Variants in LRRC37A2 observed in about 807,000 individuals in gnomAD.
LRRC37A2 encodes leucine rich repeat containing 37 member A2.
LRRC37A2 carries 9 observed loss-of-function variants against 68.8 expected under a neutral mutation model. The ratio of observed to expected loss-of-function variants is 0.13; its 90% CI spans 0.08 to 0.23. The LOEUF (loss-of-function observed/expected upper bound fraction) is 0.23. LRRC37A2 is among the 10% of genes least tolerant of loss of function. The pLI, the probability that LRRC37A2 is intolerant of heterozygous loss-of-function variation, is 1.00. For missense variants in LRRC37A2, 168 were observed against 950.4 expected (o/e 0.18, Z 10.82); for synonymous variants, 63 against 367.6 (o/e 0.17, Z 9.48).
At chr17:46,719,498 A>C in the LRRC37A2 span, among the ~76,000 whole-genome samples, 1 of 152,176 alleles carries the variant, frequency 6.6e-6, no homozygotes, top group Non-Finnish European at 1.5e-5. This position sits in a 1 kb window ranked among gnomAD's most constrained non-coding sequence, Gnocchi z 4.3. Context: ...CTTATTAGTG[A>C]ATCCTTTCTC....
chr17:46,540,598 TA>T (rs537940033), intron 7 of LRRC37A2, among the ~76,000 whole-genome samples: 9,402 of 118,384 alleles, frequency 0.079, 3 homozygotes, highest in Middle Eastern at 0.14. Context: ...AAGATAATGG[TA>T]AAAAAAAAAA....
At chr17:46,392,474 C>T in the LRRC37A2 span, among the ~76,000 whole-genome samples, 34 of 40,808 alleles carry the variant, frequency 8.3e-4, no homozygotes, top group African/African-American at 4.5e-3. Context: ...TCTTTCTTTC[C>T]TTTCTTTCTT....
At chr17:46,890,657 C>T in the LRRC37A2 span, among the ~76,000 whole-genome samples, 4 of 152,236 alleles carry the variant, frequency 2.6e-5, no homozygotes, top group Admixed American at 1.3e-4. Context: ...CAGCCACAGG[C>T]ATGGCCTGTC....
chr17:46,806,559 G>A, the LRRC37A2 span, among the ~76,000 whole-genome samples: 4 of 152,296 alleles, frequency 2.6e-5, no homozygotes, highest in Middle Eastern at 3.4e-3. Context: ...CTGCTTTCTC[G>A]AGGCTGCTTT....
chr17:46,781,242 A>G, the LRRC37A2 span, among the ~76,000 whole-genome samples: 1 of 152,108 alleles, frequency 6.6e-6, no homozygotes, highest in African/African-American at 2.4e-5. Context: ...CAAAAAAAAA[A>G]AAAGGAATGA....
At chr17:47,023,137 C>G in the LRRC37A2 span, among the ~76,000 whole-genome samples, 1 of 152,200 alleles carries the variant, frequency 6.6e-6, no homozygotes, top group Non-Finnish European at 1.5e-5. Context: ...TTTCTGATTA[C>G]TCATGAATTT....
chr17:46,726,889 A>G, the LRRC37A2 span, among the ~76,000 whole-genome samples: 7 of 152,306 alleles, frequency 4.6e-5, no homozygotes, highest in South Asian at 2.1e-4. Context: ...TTGCCATAGT[A>G]AATGATTAGT....
the LRRC37A2 span, among the ~76,000 whole-genome samples, chr17:46,875,873 T>C: frequency 1.2e-4 from 18 of 152,292 alleles, no homozygotes; most frequent in Admixed American, 9.8e-4. Context: ...GGGAGGAGGC[T>C]GGGAGACACC....
chr17:46,782,332 T>A, the LRRC37A2 span, among the ~76,000 whole-genome samples: 1 of 152,050 alleles, frequency 6.6e-6, no homozygotes, highest in Non-Finnish European at 1.5e-5. Flanking sequence ...AGAAATCACC[T>A]CTCCTGTGGT....
chr17:46,851,145 G>C, the LRRC37A2 span, among the ~76,000 whole-genome samples: 1 of 152,102 alleles, frequency 6.6e-6, no homozygotes, highest in Non-Finnish European at 1.5e-5. The surrounding 1 kb of genome is among the most constrained non-coding windows in gnomAD (Gnocchi z 4.3). Context: ...TGCCCGGCAG[G>C]AGGGCGGACA....
chr17:46,723,307 G>A, the LRRC37A2 span, among the ~76,000 whole-genome samples: 1 of 152,138 alleles, frequency 6.6e-6, no homozygotes, highest in African/African-American at 2.4e-5. Flanking sequence ...GCTTTTAGTA[G>A]AATTCTGAAA....
At chr17:46,771,729 C>G in the LRRC37A2 span, among the ~76,000 whole-genome samples, 1 of 138,404 alleles carries the variant, frequency 7.2e-6, no homozygotes, top group Non-Finnish European at 1.6e-5. Flanking sequence ...CGCCGGGCCG[C>G]GAAATCCCCA....
At chr17:46,859,246 C>G in the LRRC37A2 span, among the ~76,000 whole-genome samples, 3,743 of 152,198 alleles carry the variant, frequency 0.025, 156 homozygotes, top group African/African-American at 0.086. Flanking sequence ...AAAGTGCTGG[C>G]ATTACAGGCG....
chr17:46,935,235 C>T, the LRRC37A2 span: 4 of 1,611,574 alleles, frequency 2.5e-6, no homozygotes, highest in Non-Finnish European at 2.5e-6. Context: ...AGTTTAGTAA[C>T]TGTGTTTATA....
the LRRC37A2 span, chr17:47,049,074 G>A: frequency 1.5e-6 from 1 of 675,416 alleles, no homozygotes; most frequent in Non-Finnish European, 2.6e-6. Context: ...TTGGGTGTGT[G>A]TGTCTCCTCT....
intron 6 of LRRC37A2, among the ~76,000 whole-genome samples, chr17:46,531,299 TTG>T (rs2053612704): frequency 1.3e-5 from 1 of 74,174 alleles, no homozygotes; most frequent in Admixed American, 1.7e-4. Context: ...AACACTGTCG[TTG>T]TCTGTCTCTT....
chr17:46,928,027 C>A, the LRRC37A2 span, among the ~76,000 whole-genome samples: 2 of 152,168 alleles, frequency 1.3e-5, no homozygotes, highest in African/African-American at 4.8e-5. Flanking sequence ...TGCCCTGCTT[C>A]AGGTGTCGGC....
At chr17:46,516,505 A>AATGGGAGT (rs1167368392) in intron 2 of LRRC37A2, among the ~76,000 whole-genome samples, 1 of 144,246 alleles carries the variant, frequency 6.9e-6, no homozygotes, top group Non-Finnish European at 1.5e-5. Flanking sequence ...ATAGGAGAAA[A>AATGGGAGT]ATGGGAGTAC....
At chr17:47,001,823 C>G in the LRRC37A2 span, among the ~76,000 whole-genome samples, 113,412 of 150,024 alleles carry the variant, frequency 0.76, 43,098 homozygotes, top group East Asian at 0.92. Context: ...CCAGGTTCAA[C>G]AGATTCTCCT....
Sources: gnomAD v4.1 joint callset for allele counts (sites outside exome capture counted in the v4.1 genomes callset) on GRCh38, gnomAD v4.1.1 for gene constraint, Gnocchi (gnomAD v3.1) non-coding constraint, MANE v1.5 for transcripts, NCBI Gene and HGNC (gene_info 2026-07-23, HGNC 2026-07-21) for gene names.